EYA1: variants seen among roughly 807,000 people sequenced by gnomAD.
EYA1 encodes the protein EYA transcriptional coactivator and phosphatase 1.
A neutral mutation model predicts 82.0 loss-of-function variants in EYA1; 16 were observed. The ratio of observed to expected loss-of-function variants is 0.20; its 90% CI spans 0.13 to 0.30. The LOEUF is 0.30. Ranked by LOEUF, EYA1 falls within the 10% of genes least tolerant of loss-of-function variation. EYA1 has a pLI of 1.00. For missense variants in EYA1, 633 were observed against 730.7 expected (o/e 0.87, Z 1.54); for synonymous variants, 261 against 264.4 (o/e 0.99, Z 0.12).
At chr8:71,346,314 C>A (rs1825698236) in intron 3 of EYA1, among the ~76,000 whole-genome samples, 1 of 151,540 alleles carries the variant, frequency 6.6e-6, no homozygotes, top group Non-Finnish European at 1.5e-5. Flanking sequence ...TAGATAGAAT[C>A]ACTTAATAAA....
At chr8:71,278,454 G>A (rs1383543442) in intron 9 of EYA1, among the ~76,000 whole-genome samples, 1 of 152,150 alleles carries the variant, frequency 6.6e-6, no homozygotes, top group Non-Finnish European at 1.5e-5. Flanking sequence ...TACATTGGCT[G>A]TCATCATTTT....
intron 2 of EYA1, among the ~76,000 whole-genome samples, chr8:71,523,173 C>CTTTTGTT (rs1813537480): frequency 9.0e-6 from 1 of 110,828 alleles, no homozygotes; most frequent in East Asian, 3.4e-4. Context: ...TTTCTTTTTT[C>CTTTTGTT]TTTTTCTTTT....
At chr8:71,366,614 G>A (rs528314759), upstream of EYA1, among the ~76,000 whole-genome samples, 20 of 152,168 alleles carry the variant, frequency 1.3e-4, no homozygotes, top group Non-Finnish European at 2.8e-4. Flanking sequence ...TAAATTCTTC[G>A]GAAACAATGA....
chr8:71,475,090 C>T (rs1490004341), intron 2 of EYA1, among the ~76,000 whole-genome samples: 1 of 152,146 alleles, frequency 6.6e-6, no homozygotes, highest in Non-Finnish European at 1.5e-5. Flanking sequence ...CGAGATCATA[C>T]ATTGCACTCC....
chr8:71,545,420 G>A (rs1449761921), intron 1 of EYA1, among the ~76,000 whole-genome samples: 4 of 152,006 alleles, frequency 2.6e-5, no homozygotes, highest in African/African-American at 7.2e-5. Context: ...TGCATTTCAG[G>A]TTACTAAGAT....
intron 2 of EYA1, among the ~76,000 whole-genome samples, chr8:71,502,983 A>C (rs1004633667): frequency 2.0e-5 from 3 of 152,130 alleles, no homozygotes; most frequent in African/African-American, 7.2e-5. Flanking sequence ...TTTTGTAATA[A>C]ATTTGGTAAT....
chr8:71,487,923 A>G (rs534049722), intron 2 of EYA1, among the ~76,000 whole-genome samples: 15 of 152,324 alleles, frequency 9.8e-5, no homozygotes, highest in African/African-American at 2.6e-4. Flanking sequence ...AAATCTAAAT[A>G]TGCATCTACC....
intron 9 of EYA1, among the ~76,000 whole-genome samples, chr8:71,283,801 GAGGCTGGGGTC>G (rs971480009): frequency 1.4e-4 from 21 of 152,170 alleles, no homozygotes; most frequent in Non-Finnish European, 2.9e-4. Context: ...AAAGAAACTT[GAGGCTGGGGTC>G]AGGGTTGAGA....
At chr8:71,371,514 A>G (rs1197624160) in intron 2 of EYA1, among the ~76,000 whole-genome samples, 1 of 152,206 alleles carries the variant, frequency 6.6e-6, no homozygotes, top group East Asian at 1.9e-4. Flanking sequence ...AATCAAGGGC[A>G]ACAAGTCATT....
upstream of EYA1, chr8:71,362,349 T>A: frequency 1.3e-5 from 4 of 303,972 alleles, no homozygotes; most frequent in Non-Finnish European, 1.9e-5. Context: ...TGTGTGAGAA[T>A]AACTTCTCTG....
chr8:71,354,657 C>A lies in EYA1; in HGVS notation c.124+125G>T, dbSNP rs1586518044. Reference sequence around the variant, plus strand: ...TACTGATTGGTAAGTCACATTATTACCTAAAGGGGAAATATAAGAGTAGTT... The same window carrying A: ...TACTGATTGGTAAGTCACATTATTAACTAAAGGGGAAATATAAGAGTAGTT... On this transcript the variant is annotated intron_variant, in intron 3 of 17. Transcript: ENST00000340726. 4 of 930,988 alleles carry A rather than the reference C, an allele frequency of 4.3e-6. 1 individual carries two copies. Among genetic ancestry groups the A allele is most frequent in the South Asian group, 3.9e-5 (3 of 75,966 alleles). The allele number at this position is 930,988 out of a possible 1,614,324, so 57.7% of individuals were successfully genotyped here. A position where few individuals can be genotyped will look rare whatever the true frequency, so the allele number is the denominator to read the frequency against.
intron 17 of EYA1, among the ~76,000 whole-genome samples, chr8:71,202,874 G>A (rs1477176841): frequency 6.6e-6 from 1 of 152,172 alleles, no homozygotes; most frequent in Non-Finnish European, 1.5e-5. Context: ...TAGAGGAGAG[G>A]AGGTGTCAAA....
At chr8:71,475,377 T>C (rs1416458880) in intron 2 of EYA1, among the ~76,000 whole-genome samples, 2 of 152,218 alleles carry the variant, frequency 1.3e-5, no homozygotes, top group Non-Finnish European at 2.9e-5. Flanking sequence ...AACGACCTTT[T>C]GTCCAGAATG....
At chr8:71,542,246 G>A (rs1422814710) in intron 1 of EYA1, among the ~76,000 whole-genome samples, 2 of 152,036 alleles carry the variant, frequency 1.3e-5, no homozygotes, top group African/African-American at 4.8e-5. Flanking sequence ...AGACTCCAGG[G>A]TGTGTTGTTC....
At chr8:71,439,048 G>A (rs116329099) in intron 2 of EYA1, among the ~76,000 whole-genome samples, 1 of 152,022 alleles carries the variant, frequency 6.6e-6, no homozygotes, top group African/African-American at 2.4e-5. Context: ...ACCAAGCAGG[G>A]ACCCAAATAT....
At chr8:71,241,171 T>C (rs1812442847) in intron 12 of EYA1, among the ~76,000 whole-genome samples, 1 of 152,190 alleles carries the variant, frequency 6.6e-6, no homozygotes, top group Non-Finnish European at 1.5e-5. Context: ...CCTTCATACG[T>C]CAAACATTTT....
chr8:71,404,453 G>A (rs1830107696), intron 2 of EYA1: 1 of 152,152 alleles, frequency 6.6e-6, no homozygotes, highest in African/African-American at 2.4e-5. Context: ...TAGCCATATA[G>A]ATATTCACAT....
At chr8:71,387,018 G>A (rs1177960166) in intron 2 of EYA1, among the ~76,000 whole-genome samples, 1 of 152,168 alleles carries the variant, frequency 6.6e-6, no homozygotes, top group Non-Finnish European at 1.5e-5. Flanking sequence ...CATGTGACAA[G>A]ATTGTACCAC....
At chr8:71,484,100 A>G (rs1810381057) in intron 2 of EYA1, among the ~76,000 whole-genome samples, 1 of 152,206 alleles carries the variant, frequency 6.6e-6, no homozygotes, top group Admixed American at 6.5e-5. Flanking sequence ...GGAAGGTAAT[A>G]TAGCAGGATA....
Sources: gnomAD v4.1 joint callset for allele counts (sites outside exome capture counted in the v4.1 genomes callset) on GRCh38, gnomAD v4.1.1 for gene constraint, MANE v1.5 for transcripts, NCBI Gene and HGNC (gene_info 2026-07-23, HGNC 2026-07-21) for gene names.